Variants in MTMR2 observed in about 807,000 individuals in gnomAD.
MTMR2 encodes the protein myotubularin related protein 2.
In MTMR2, 55 loss-of-function variants were observed where a neutral mutation model predicts 86.9. That is an observed-to-expected ratio of 0.63 (90% CI 0.51 to 0.79). The LOEUF is 0.79. MTMR2 is among the 30% of genes least tolerant of loss of function. The probability of loss-of-function intolerance (pLI) is 0.00; values close to 1 mark genes in which losing one functional copy is unlikely to be tolerated. For missense variants in MTMR2, 659 were observed against 772.3 expected, an observed-to-expected ratio of 0.85 and a Z score of 1.74; for synonymous variants, 241 against 266.8, an observed-to-expected ratio of 0.90 and a Z score of 0.94.
intron 9 of MTMR2, among the ~76,000 whole-genome samples, chr11:95,848,921 T>C (rs572669830): frequency 6.6e-6 from 1 of 152,302 alleles, no homozygotes; most frequent in African/African-American, 2.4e-5. Context: ...TGCAACATTC[T>C]AGAAAGACAG....
intron 2 of MTMR2, among the ~76,000 whole-genome samples, chr11:95,867,042 A>C (rs1171013842): frequency 1.3e-5 from 2 of 151,526 alleles, no homozygotes; most frequent in Non-Finnish European, 3.0e-5. Context: ...TAAAAGTTCA[A>C]ACTAACAACT....
intron 2 of MTMR2, among the ~76,000 whole-genome samples, chr11:95,877,469 G>A (rs1220482297): frequency 6.7e-6 from 1 of 149,418 alleles, no homozygotes; most frequent in Non-Finnish European, 1.5e-5. Context: ...CAAAAAGGAT[G>A]ACTATCTAAA....
rs1590983932 is a variant in MTMR2 at position 95,849,820 on chromosome 11, G to A, written c.847C>T (p.Arg283Trp). Reference sequence around the variant, plus strand: ...ACTCCAACCATGGGCTGGCTACACCGAGTGATTGTGGCTTGACTTTCAGGA... The same window carrying A: ...ACTCCAACCATGGGCTGGCTACACCAAGTGATTGTGGCTTGACTTTCAGGA... ...IHPESQATIT[R>W]CSQPMVGVSG... The change falls in exon 9 of 15, where the codon CGG becomes TGG. Residue 283 changes from arginine (R) to tryptophan (W), a missense_variant. Around this residue, in one of 3 missense-constraint regions of MTMR2, gnomAD observed 387 missense variants for 526.3 expected, o/e 0.74. Transcript: ENST00000346299. 3 of 1,614,078 alleles carry A rather than the reference G, an allele frequency of 1.9e-6. No homozygotes were observed. Among genetic ancestry groups the A allele is most frequent in the Non-Finnish European group, 2.5e-6 (3 of 1,179,988 alleles).
Position 95,850,589 on chromosome 11 carries a change from T to C in MTMR2, c.804+11A>G. 2 of 1,591,650 alleles carry C rather than the reference T, an allele frequency of 1.3e-6. No homozygotes were observed. The highest frequency in any genetic ancestry group is 1.7e-6 in the Non-Finnish European group (2 of 1,162,538). ...AGCACTTGCAAAGGCTCATCCAAAC[T>C]TCCTACTTACTGGGATACGGCCTCT... is the stretch of plus-strand genomic sequence containing the variant. On this transcript the variant is annotated intron_variant, in intron 8 of 14. Transcript: ENST00000346299.
rs113091252 is a variant in MTMR2 at position 95,877,699 on chromosome 11, G to A, written c.186+10457C>T. 5.4e-4 allele frequency among the ~76,000 whole-genome samples: 82 copies of A among 152,208 alleles called. 1 individual carries two copies. Among genetic ancestry groups the A allele is most frequent in the Non-Finnish European group, 1.1e-3 (73 of 68,006 alleles). On this transcript the variant is annotated intron_variant, in intron 2 of 14. Coordinates refer to ENST00000346299, the MANE Select transcript of MTMR2 (RefSeq NM_016156.6). The stretch of plus-strand genomic sequence containing the variant: ...AAGAAGACAGCAATGTGAAGAAACA[G>A]GGAGAATGCCCCATGAAGAGGGAAG...
intron 5 of MTMR2, among the ~76,000 whole-genome samples, chr11:95,860,273 G>A (rs1346423666): frequency 2.6e-5 from 4 of 152,186 alleles, no homozygotes; most frequent in South Asian, 2.1e-4. Flanking sequence ...AGGCCAAGGC[G>A]GGCAGATCAC....
chr11:95,911,452 C>T (rs886525574), intron 1 of MTMR2, among the ~76,000 whole-genome samples: 1 of 152,008 alleles, frequency 6.6e-6, no homozygotes, highest in African/African-American at 2.4e-5. Context: ...AAGTATTCTG[C>T]GGAAAATGAA....
intron 1 of MTMR2, among the ~76,000 whole-genome samples, chr11:95,908,470 AC>A (rs1866375962): frequency 1.3e-4 from 20 of 152,184 alleles, no homozygotes; most frequent in Admixed American, 1.3e-3. Flanking sequence ...GATATTCTTC[AC>A]AAAATTAGAA....
intron 1 of MTMR2, among the ~76,000 whole-genome samples, chr11:95,888,470 A>T (rs190835039): frequency 2.7e-4 from 41 of 152,282 alleles, no homozygotes; most frequent in African/African-American, 9.1e-4. Flanking sequence ...TTCCCTCTGG[A>T]TAGACTCCCA....
At chr11:95,921,743 A>G (rs910752434) in intron 1 of MTMR2, among the ~76,000 whole-genome samples, 4 of 152,330 alleles carry the variant, frequency 2.6e-5, no homozygotes, top group Admixed American at 2.6e-4. Flanking sequence ...GAGTAATGAA[A>G]GCTGGCATTC....
At chr11:95,923,492 A>T (rs1867008910) in intron 1 of MTMR2, among the ~76,000 whole-genome samples, 1 of 151,908 alleles carries the variant, frequency 6.6e-6, no homozygotes, top group South Asian at 2.1e-4. Context: ...GACTGACTTT[A>T]GGATGGTTTT....
intron 5 of MTMR2, among the ~76,000 whole-genome samples, chr11:95,860,574 T>G (rs575771503): frequency 1.3e-5 from 2 of 152,286 alleles, no homozygotes; most frequent in Non-Finnish European, 2.9e-5. Context: ...ACTTCTAAGA[T>G]TAGCATAACA....
rs1863205775 is a variant in MTMR2 at position 95,835,192 on chromosome 11, T to C, written c.*98A>G. Reference sequence around the variant, plus strand: ...AAATAAATAAAGTGACTGAACTTTCTCTCATAGATGGGTTCTAAATTCCGA... The same window carrying C: ...AAATAAATAAAGTGACTGAACTTTCCCTCATAGATGGGTTCTAAATTCCGA... On this transcript the variant is annotated 3_prime_UTR_variant, in exon 15 of 15. Coordinates refer to ENST00000346299, the MANE Select transcript of MTMR2 (RefSeq NM_016156.6). 3.2e-6 allele frequency: 4 copies of C among 1,251,334 alleles called. No individual in the cohort carries two copies. The South Asian group carries it at 5.0e-5, about 16-fold the overall frequency. The allele number at this position is 1,251,334 out of a possible 1,614,324, so 77.5% of individuals were successfully genotyped here.
At chr11:95,842,873 G>A (rs898542367) in intron 11 of MTMR2, among the ~76,000 whole-genome samples, 2 of 152,142 alleles carry the variant, frequency 1.3e-5, no homozygotes, top group Admixed American at 1.3e-4. Context: ...TCTTATGCCA[G>A]TGTACTTAAC....
chr11:95,900,600 G>A (rs577505135), intron 1 of MTMR2, among the ~76,000 whole-genome samples: 155 of 151,540 alleles, frequency 1.0e-3, no homozygotes, highest in Non-Finnish European at 2.0e-3. Context: ...ATATCCAAAC[G>A]CACCCTTCCT....
intron 10 of MTMR2, among the ~76,000 whole-genome samples, chr11:95,845,864 C>A (rs1863765687): frequency 3.1e-5 from 2 of 65,320 alleles, no homozygotes; most frequent in Admixed American, 1.6e-4. Flanking sequence ...AAAAAAGAAA[C>A]ACAAAAGTAT....
intron 1 of MTMR2, among the ~76,000 whole-genome samples, chr11:95,917,289 A>G (rs1321663244): frequency 1.3e-5 from 2 of 152,198 alleles, no homozygotes; most frequent in East Asian, 3.8e-4. Context: ...AATTTCCATT[A>G]CTCAAATCCT....
chr11:95,917,269 A>T (rs1304532047), intron 1 of MTMR2, among the ~76,000 whole-genome samples: 1 of 152,232 alleles, frequency 6.6e-6, no homozygotes, highest in African/African-American at 2.4e-5. Context: ...TTCCACACTA[A>T]AATCTGGAGA....
rs545061776 is a variant in MTMR2 at position 95,877,545 on chromosome 11, G to T, written c.186+10611C>A. Among the ~76,000 whole-genome samples, 250 of 152,046 alleles carry T rather than the reference G, an allele frequency of 1.6e-3. 1 individual carries two copies. Among genetic ancestry groups the T allele is most frequent in the African/African-American group, 5.8e-3 (241 of 41,490 alleles). Reference sequence around the variant, plus strand: ...AACTGTGCCCTCTAATAACGTTGTTGAAGTCTAACCACCAGTGCCTTAGAA... The same window carrying T: ...AACTGTGCCCTCTAATAACGTTGTTTAAGTCTAACCACCAGTGCCTTAGAA... On this transcript the variant is annotated intron_variant, in intron 2 of 14. Transcript: ENST00000346299.
Sources: gnomAD v4.1 joint callset for allele counts (sites outside exome capture counted in the v4.1 genomes callset) on GRCh38, gnomAD v4.1.1 for gene constraint, gnomAD v4.1.1 regional missense constraint, MANE v1.5 for transcripts, NCBI Gene and HGNC (gene_info 2026-07-23, HGNC 2026-07-21) for gene names.